ZDHHC21: variants seen among roughly 807,000 people sequenced by gnomAD.
The protein encoded by ZDHHC21 is zDHHC palmitoyltransferase 21, also known as palmitoyltransferase ZDHHC21.
Under a neutral mutation model 34.6 loss-of-function variants are expected in ZDHHC21, and 15 were observed. The ratio of observed to expected loss-of-function variants is 0.43; its 90% CI spans 0.29 to 0.67. The LOEUF is 0.67. Ranked by LOEUF, ZDHHC21 falls within the 30% of genes least tolerant of loss-of-function variation. The pLI is 0.14. For missense variants in ZDHHC21, 344 were observed against 327.7 expected, an observed-to-expected ratio of 1.05 and a Z score of -0.38; for synonymous variants, 142 against 101.8, an observed-to-expected ratio of 1.40 and a Z score of -2.38.
intron 2 of ZDHHC21, among the ~76,000 whole-genome samples, chr9:14,686,786 A>G (rs1367389757): frequency 6.6e-6 from 1 of 150,574 alleles, no homozygotes; most frequent in Non-Finnish European, 1.5e-5. Flanking sequence ...GAGCCTGGCA[A>G]ACATGGGAAA....
At chr9:14,663,868 A>G (rs1833862644) in intron 5 of ZDHHC21, among the ~76,000 whole-genome samples, 1 of 152,240 alleles carries the variant, frequency 6.6e-6, no homozygotes, top group Non-Finnish European at 1.5e-5. Flanking sequence ...AACTAGTACT[A>G]TTTACCTCTA....
chr9:14,678,166 G>C (rs565359406), intron 3 of ZDHHC21, among the ~76,000 whole-genome samples: 1 of 152,098 alleles, frequency 6.6e-6, no homozygotes, highest in East Asian at 1.9e-4. Flanking sequence ...TGGCACTTCA[G>C]TTCACAATGA....
At chr9:14,651,554 AG>A (rs1260437563) in intron 7 of ZDHHC21, among the ~76,000 whole-genome samples, 1 of 151,940 alleles carries the variant, frequency 6.6e-6, no homozygotes, top group East Asian at 1.9e-4. Context: ...AATATTTCAT[AG>A]GAGTAGACAT....
rs1250447515 is a variant in ZDHHC21 at position 14,669,091 on chromosome 9, G to A, written c.253+3739C>T. On this transcript the variant is annotated intron_variant, in intron 5 of 9. Transcript: ENST00000380916. Reference sequence around the variant, plus strand: ...ACCTACAAAATGGGAGACAATTTTCGCAACCTACTCATCTGACAAAGGGCT... The same window carrying A: ...ACCTACAAAATGGGAGACAATTTTCACAACCTACTCATCTGACAAAGGGCT... Among the ~76,000 whole-genome samples, 9 of 137,810 alleles carry A rather than the reference G, an allele frequency of 6.5e-5. No homozygotes were observed. In the South Asian group the frequency reaches 1.1e-3, roughly 16 times the overall value. The allele number at this position is 137,810 out of a possible 152,430, so 90.4% of individuals were successfully genotyped here.
At chr9:14,674,476 G>T in intron 3 of ZDHHC21, 91 bp from the exon 4 acceptor site, 1 of 686,906 alleles carries the variant, frequency 1.5e-6, no homozygotes, top group Non-Finnish European at 2.3e-6. Context: ...ATGACATTGA[G>T]TTTTCTTTGC....
intron 5 of ZDHHC21, among the ~76,000 whole-genome samples, chr9:14,665,126 G>A (rs1587300326): frequency 7.7e-6 from 1 of 129,598 alleles, no homozygotes; most frequent in East Asian, 2.2e-4. Context: ...TGTATAACTA[G>A]AATAACCAAT....
At chr9:14,634,573 C>G (rs965010527) in intron 8 of ZDHHC21, among the ~76,000 whole-genome samples, 1 of 152,172 alleles carries the variant, frequency 6.6e-6, no homozygotes, top group African/African-American at 2.4e-5. Context: ...CTGATGAAAT[C>G]ACAGATACCA....
downstream of ZDHHC21, among the ~76,000 whole-genome samples, chr9:14,609,966 G>A (rs769262404): frequency 1.5e-4 from 23 of 152,064 alleles, no homozygotes; most frequent in Non-Finnish European, 1.3e-4. Flanking sequence ...AGCAGTATGA[G>A]ATCCAACTTT....
At position 14,617,407 on chromosome 9, in the gene ZDHHC21, C is replaced by CAATTCTGAAAATTGAA. The variant is rs1277752382; in HGVS notation, c.*1558_*1559insTTCAATTTTCAGAATT. The CAATTCTGAAAATTGAA allele has an allele frequency of 7.2e-5, 11 of 152,028 alleles. No individual in the cohort carries two copies. Among genetic ancestry groups the CAATTCTGAAAATTGAA allele is most frequent in the African/African-American group, 2.6e-4 (11 of 41,528 alleles). The allele number at this position is 152,028 out of a possible 1,614,324, so 9.4% of individuals were successfully genotyped here. A position where few individuals can be genotyped will look rare whatever the true frequency, so the allele number is the denominator to read the frequency against. On this transcript the variant is annotated 3_prime_UTR_variant, in exon 10 of 10. Coordinates refer to ENST00000380916, the MANE Select transcript of ZDHHC21 (RefSeq NM_178566.6). ...TACTCTATTATTTCAGAATATGCTA[C>CAATTCTGAAAATTGAA]AAGATATTTACAATTTCTGAAAGAA...
chr9:14,625,586 C>T (rs1826065240), intron 8 of ZDHHC21, among the ~76,000 whole-genome samples: 1 of 151,898 alleles, frequency 6.6e-6, no homozygotes, highest in Admixed American at 6.6e-5. Flanking sequence ...TTAATTATGT[C>T]AAAACCCCTT....
chr9:14,650,950 C>A (rs527376971), intron 7 of ZDHHC21, among the ~76,000 whole-genome samples: 3 of 151,898 alleles, frequency 2.0e-5, no homozygotes, highest in African/African-American at 7.2e-5. Flanking sequence ...AATAAGTATA[C>A]AACAATTAGA....
At chr9:14,630,840 G>C (rs1251242025) in intron 8 of ZDHHC21, among the ~76,000 whole-genome samples, 1 of 152,224 alleles carries the variant, frequency 6.6e-6, no homozygotes, top group Admixed American at 6.5e-5. Context: ...CTGAGCAGTA[G>C]TTCTCAATAG....
Position 14,617,648 on chromosome 9 carries a change from T to G in ZDHHC21, c.*1318A>C, listed in dbSNP as rs1159200601. ...TTGCAGTATTCTAATGGAAAAAAACTAAAAGCTGAGTTTTTTTCAAAGCAT... is the reference window on the plus strand; with the variant it reads ...TTGCAGTATTCTAATGGAAAAAAACGAAAAGCTGAGTTTTTTTCAAAGCAT... On this transcript the variant is annotated 3_prime_UTR_variant, in exon 10 of 10. Transcript: ENST00000380916. 1 of 151,954 alleles carries G rather than the reference T, an allele frequency of 6.6e-6. No individual in the cohort carries two copies. The highest frequency in any genetic ancestry group is 1.5e-5 in the Non-Finnish European group (1 of 67,902). The allele number at this position is 151,954 out of a possible 1,614,324, so 9.4% of individuals were successfully genotyped here. A position where few individuals can be genotyped will look rare whatever the true frequency, so the allele number is the denominator to read the frequency against.
chr9:14,690,732 C>T (rs1234132659), intron 1 of ZDHHC21, among the ~76,000 whole-genome samples: 1 of 152,126 alleles, frequency 6.6e-6, no homozygotes, highest in Non-Finnish European at 1.5e-5. Context: ...TCAATGAGCA[C>T]AGTGATGATT....
At chr9:14,596,796 G>A in the ZDHHC21 span, among the ~76,000 whole-genome samples, 7 of 152,268 alleles carry the variant, frequency 4.6e-5, no homozygotes, top group East Asian at 3.9e-4. Context: ...CTAGAGGTAC[G>A]TGGCACTTGT....
chr9:14,662,399 G>T (rs1176315499), intron 5 of ZDHHC21, 73 bp from the exon 6 acceptor site: 1 of 1,165,616 alleles, frequency 8.6e-7, no homozygotes, highest in Non-Finnish European at 1.2e-6. Flanking sequence ...CAGTTGTTTA[G>T]AAGATTTTAT....
chr9:14,657,493 C>A (rs1370308467), intron 7 of ZDHHC21, among the ~76,000 whole-genome samples: 2 of 111,870 alleles, frequency 1.8e-5, no homozygotes, highest in East Asian at 4.9e-4. Flanking sequence ...CTTTCCACTA[C>A]CAGAGGCTGG....
At chr9:14,661,060 G>C (rs531754827) in intron 6 of ZDHHC21, among the ~76,000 whole-genome samples, 3 of 152,050 alleles carry the variant, frequency 2.0e-5, no homozygotes, top group African/African-American at 7.2e-5. Context: ...AATTATTTAC[G>C]TTTAAATTCA....
At chr9:14,661,391 G>A (rs182881224) in intron 6 of ZDHHC21, among the ~76,000 whole-genome samples, 1,748 of 152,238 alleles carry the variant, frequency 0.011, 13 homozygotes, top group Middle Eastern at 0.024. Flanking sequence ...GGCTCATTAT[G>A]TAAATTTGCA....
Sources: gnomAD v4.1 joint callset for allele counts (sites outside exome capture counted in the v4.1 genomes callset) on GRCh38, gnomAD v4.1.1 for gene constraint, MANE v1.5 for transcripts, NCBI Gene and HGNC (gene_info 2026-07-23, HGNC 2026-07-21) for gene names.